PHYHD1: variants seen among roughly 807,000 people sequenced by gnomAD.
PHYHD1 encodes phytanoyl-CoA dioxygenase domain-containing protein 1.
PHYHD1 carries 42 observed loss-of-function variants against 43.6 expected under a neutral mutation model. The observed-to-expected ratio is 0.96, with a 90% CI of 0.75 to 1.25. PHYHD1 has a LOEUF of 1.25. Among genes scored for constraint, PHYHD1 ranks in the 50% most tolerant of loss-of-function variants. The probability of loss-of-function intolerance (pLI) is 0.00; values close to 1 mark genes in which losing one functional copy is unlikely to be tolerated. For missense variants in PHYHD1, 342 were observed against 370.8 expected, an observed-to-expected ratio of 0.92 and a Z score of 0.64; for synonymous variants, 139 against 143.6, an observed-to-expected ratio of 0.97 and a Z score of 0.23.
intron 8 of PHYHD1, among the ~76,000 whole-genome samples, chr9:128,937,194 G>A (rs1841445112): frequency 6.6e-6 from 1 of 151,826 alleles, no homozygotes; most frequent in African/African-American, 2.4e-5. Context: ...TGGGAGGGTA[G>A]CTTGAACCCA....
rs753674189 is a variant in PHYHD1, at chr9:128,936,618, G to A, written c.408G>A (p.Val136=). The A allele has an allele frequency of 2.4e-5, 37 of 1,559,608 alleles. No homozygotes were observed. The highest frequency in any genetic ancestry group is 3.3e-4 in the Middle Eastern group (2 of 6,018). The change falls in exon 8 of 13, where the codon GTG becomes GTA. Residue 136 remains valine (V), a synonymous_variant. Coordinates refer to ENST00000372592, the MANE Select transcript of PHYHD1 (RefSeq NM_001100876.2). ...LARSLGLQMP[V]VVQSMYIFKQ... ...GAAGTCTGGGCCTCCAGATGCCCGT[G>A]GTGGTGCAGAGCATGTACATCTTTA... is the stretch of plus-strand genomic sequence containing the variant.
intron 4 of PHYHD1, among the ~76,000 whole-genome samples, chr9:128,932,181 A>ATTTTTTT (rs1265015070): frequency 5.6e-5 from 6 of 107,706 alleles, no homozygotes; most frequent in African/African-American, 1.3e-4. Context: ...TATTATTATT[A>ATTTTTTT]TTATTTTTTT....
chr9:128,925,302 T>G (rs1299124854), intron 3 of PHYHD1, among the ~76,000 whole-genome samples: 2 of 151,592 alleles, frequency 1.3e-5, no homozygotes, highest in Non-Finnish European at 2.9e-5. Context: ...CTCAGCTCAC[T>G]GCAACTTCTG....
rs1360469528 is a variant in PHYHD1, at chr9:128,933,808, T to C, written c.219T>C (p.Ser73=). ...AQGSTDYFLS[S]GDKIRFFFEK... is the part of the protein sequence containing the mutation. ...GCAGCACAGACTATTTCTTGAGCAG[T>C]GGTGACAAGATTCGATTCTTCTTTG... Residue 73 remains serine, a synonymous_variant, in exon 5 of 13, where the codon AGT becomes AGC. Transcript: ENST00000372592. The C allele has an allele frequency of 1.9e-6, 3 of 1,614,048 alleles. No homozygotes were observed. Among genetic ancestry groups the C allele is most frequent in the Non-Finnish European group, 2.5e-6 (3 of 1,180,014 alleles).
At chr9:128,937,915 C>T in intron 9 of PHYHD1, 137 bp downstream of exon 9, 2 of 1,538,812 alleles carry the variant, frequency 1.3e-6, no homozygotes, top group South Asian at 1.2e-5. Context: ...GGAGGAGCCA[C>T]CTTCCATTCC....
At chr9:128,924,272 G>T (rs1472628192) in intron 3 of PHYHD1, among the ~76,000 whole-genome samples, 1 of 151,956 alleles carries the variant, frequency 6.6e-6, no homozygotes, top group Non-Finnish European at 1.5e-5. Context: ...AAAAAAATTA[G>T]CTGGGCATGG....
rs1841356892 is a variant in PHYHD1 at position 128,933,789 on chromosome 9, CA to C, written c.201del (p.Asp68ThrfsTer4). ...EEEQLRAQGS[T>X]DYFLSSGDKI... ...GATGTCCCCTTTCCACAGGGCAGCA[CA>C]GACTATTTCTTGAGCAGTGGTGACA... On this transcript the variant is annotated frameshift_variant, in exon 5 of 13. Transcript: ENST00000372592. LOFTEE classifies it high-confidence loss of function. 1.2e-6 allele frequency: 2 copies of C among 1,614,046 alleles called. No homozygotes were observed. Among genetic ancestry groups the C allele is most frequent in the Non-Finnish European group, 1.7e-6 (2 of 1,179,994 alleles).
In PHYHD1 at chr9:128,922,706, T is replaced by C. The variant is rs75359884; in HGVS notation, c.33+350T>C. On this transcript the variant is annotated intron_variant, in intron 3 of 12. Coordinates refer to ENST00000372592, the MANE Select transcript of PHYHD1 (RefSeq NM_001100876.2). ...CCTGCGAGGGGCCCAGGAGGGCCCA[T>C]GTTCGTCCAATCACAAAAGGCTACC... 2.4e-3 allele frequency among the ~76,000 whole-genome samples: 366 copies of C among 152,330 alleles called. 7 individuals carry two copies. In the East Asian group the frequency reaches 0.04, roughly 17 times the overall value.
In PHYHD1 at chr9:128,939,079, C is replaced by T. The variant is rs1841493207; in HGVS notation, c.458-1290C>T. Among the ~76,000 whole-genome samples the T allele has an allele frequency of 1.5e-5, 2 of 132,010 alleles. 1 individual carries two copies. The highest frequency in any genetic ancestry group is 4.9e-4 in the South Asian group (2 of 4,086). The allele number at this position is 132,010 out of a possible 152,430, so 86.6% of individuals were successfully genotyped here. On this transcript the variant is annotated intron_variant, in intron 9 of 12. Coordinates refer to ENST00000372592, the MANE Select transcript of PHYHD1 (RefSeq NM_001100876.2). ...GTTCTCCCAGTTCCTTCCACCATTCCTCTCCCAAATGTTTCAAAGCCCCTT... is the reference window on the plus strand; with the variant it reads ...GTTCTCCCAGTTCCTTCCACCATTCTTCTCCCAAATGTTTCAAAGCCCCTT...
At chr9:128,940,239 G>T in intron 9 of PHYHD1, 130 bp from the exon 10 acceptor site, 1 of 1,386,946 alleles carries the variant, frequency 7.2e-7, no homozygotes, top group East Asian at 2.3e-5. Context: ...AGGAAGTGAT[G>T]AGATTCTAAC....
chr9:128,935,091 A>C (rs1306630264), intron 6 of PHYHD1, among the ~76,000 whole-genome samples: 1 of 152,330 alleles, frequency 6.6e-6, no homozygotes, highest in African/African-American at 2.4e-5. Flanking sequence ...CTTTAGGATC[A>C]TACATTATAA....
Position 128,940,498 on chromosome 9 carries a change from G to A in PHYHD1, c.586+1G>A. ...TGGTTCATCCCTGGCTCCCACACCA[G>A]TGAGGAACCCTGTCTCTTCTGCCCA... On this transcript the variant is annotated splice_donor_variant, in intron 10 of 12. Coordinates refer to ENST00000372592, the MANE Select transcript of PHYHD1 (RefSeq NM_001100876.2). LOFTEE classifies it high-confidence loss of function. 6.2e-7 allele frequency: 1 copy of A among 1,614,164 alleles called. No individual in the cohort carries two copies. The highest frequency in any genetic ancestry group is 2.2e-5 in the East Asian group (1 of 44,878).
At chr9:128,924,698 T>A (rs949225847) in intron 3 of PHYHD1, among the ~76,000 whole-genome samples, 1 of 149,222 alleles carries the variant, frequency 6.7e-6, no homozygotes, top group African/African-American at 2.5e-5. Context: ...ATTTTGGGAG[T>A]CCGAAGTGAG....
intron 4 of PHYHD1, among the ~76,000 whole-genome samples, chr9:128,932,166 A>ATT (rs1564540372): frequency 7.6e-4 from 93 of 122,630 alleles, no homozygotes; most frequent in African/African-American, 3.1e-3. Context: ...TATTATTATT[A>ATT]TTGTTATTAT....
At chr9:128,928,036 C>CA (rs916015858) in intron 4 of PHYHD1, among the ~76,000 whole-genome samples, 19 of 152,372 alleles carry the variant, frequency 1.2e-4, no homozygotes, top group Middle Eastern at 3.4e-3. Flanking sequence ...CCTTCCTAGT[C>CA]AGAGTTTATT....
Position 128,940,436 on chromosome 9 carries a change from C to T in PHYHD1, c.525C>T (p.Ile175=), listed in dbSNP as rs751203784. The T allele has an allele frequency of 5.0e-6, 8 of 1,614,052 alleles. No individual in the cohort carries two copies. The highest frequency in any genetic ancestry group is 4.5e-5 in the East Asian group (2 of 44,886). Residue 175 remains isoleucine (I), a synonymous_variant, in exon 10 of 13, where the codon ATC becomes ATT. Coordinates refer to ENST00000372592, the MANE Select transcript of PHYHD1 (RefSeq NM_001100876.2). ...EPLGRVLGVW[I]AVEDATLENG... is the part of the protein sequence containing the mutation. ...TGGGCCGGGTGCTGGGCGTGTGGAT[C>T]GCAGTGGAGGATGCCACGCTGGAGA... is the stretch of plus-strand genomic sequence containing the variant.
At chr9:128,932,181 A>ATTTTTTTT (rs1265015070) in intron 4 of PHYHD1, among the ~76,000 whole-genome samples, 1 of 107,712 alleles carries the variant, frequency 9.3e-6, no homozygotes, top group African/African-American at 4.4e-5. Context: ...TATTATTATT[A>ATTTTTTTT]TTATTTTTTT....
intron 6 of PHYHD1, among the ~76,000 whole-genome samples, chr9:128,935,204 C>T (rs1346787502): frequency 1.3e-5 from 2 of 152,142 alleles, no homozygotes; most frequent in African/African-American, 4.8e-5. Context: ...ATCCTCCTGC[C>T]TTGGCCTCTC....
chr9:128,921,271 T>C lies in PHYHD1; in HGVS notation c.-557T>C, dbSNP rs1588241176. ...GGACTACAGGCACCTGCCACCATGCTCGGCTAGTTTTTGGTATTTTTATTT... is the reference window on the plus strand; with the variant it reads ...GGACTACAGGCACCTGCCACCATGCCCGGCTAGTTTTTGGTATTTTTATTT... On this transcript the variant is annotated 5_prime_UTR_variant, in exon 1 of 13. Coordinates refer to ENST00000372592, the MANE Select transcript of PHYHD1 (RefSeq NM_001100876.2). 1 of 151,020 alleles carries C rather than the reference T, an allele frequency of 6.6e-6. No individual in the cohort carries two copies. Among genetic ancestry groups the C allele is most frequent in the East Asian group, 1.9e-4 (1 of 5,142 alleles). The allele number at this position is 151,020 out of a possible 1,614,324, so 9.4% of individuals were successfully genotyped here.
Sources: gnomAD v4.1 joint callset for allele counts (sites outside exome capture counted in the v4.1 genomes callset) on GRCh38, gnomAD v4.1.1 for gene constraint, MANE v1.5 for transcripts, NCBI Gene and HGNC (gene_info 2026-07-23, HGNC 2026-07-21) for gene names.